Variants in CRYBA4 observed in about 807,000 individuals in gnomAD.
The protein encoded by CRYBA4 is crystallin beta A4.
In CRYBA4, 30 loss-of-function variants were observed where a neutral mutation model predicts 31.7. That is an observed-to-expected ratio of 0.95 (90% CI 0.71 to 1.28). The LOEUF (loss-of-function observed/expected upper bound fraction) is 1.28, where lower values mean the gene tolerates loss of function less well. CRYBA4 is among the 50% of genes most tolerant of loss of function. CRYBA4 has a pLI of 0.00. For synonymous variants in CRYBA4, 102 were observed against 102.3 expected (o/e 1.00, Z 0.02); for missense variants, 225 against 260.7 (o/e 0.86, Z 0.94).
chr22:26,592,166 T>C, the CRYBA4 span, among the ~76,000 whole-genome samples: 1 of 152,206 alleles, frequency 6.6e-6, no homozygotes, highest in Admixed American at 6.5e-5. Context: ...ACTGATTTGA[T>C]AGACACATAG....
the CRYBA4 span, among the ~76,000 whole-genome samples, chr22:26,593,066 C>T: frequency 6.6e-6 from 1 of 152,142 alleles, no homozygotes; most frequent in East Asian, 1.9e-4. Context: ...CCAGACTGTG[C>T]AGCCCAGGAA....
chr22:26,612,464 G>A, the CRYBA4 span, among the ~76,000 whole-genome samples: 1 of 152,172 alleles, frequency 6.6e-6, no homozygotes, highest in Non-Finnish European at 1.5e-5. Context: ...CCAGGCTCAA[G>A]CGATCCTCCC....
At chr22:26,619,137 G>A (rs1235281547), upstream of CRYBA4, among the ~76,000 whole-genome samples, 3 of 152,210 alleles carry the variant, frequency 2.0e-5, no homozygotes, top group Non-Finnish European at 4.4e-5. Context: ...GATCGGAACA[G>A]AAGGTAGGGT....
At chr22:26,623,072 T>C (rs1929583416) in intron 2 of CRYBA4, among the ~76,000 whole-genome samples, 162 bp from the exon 3 acceptor site, 2 of 152,272 alleles carry the variant, frequency 1.3e-5, no homozygotes, top group Non-Finnish European at 2.9e-5. Context: ...ACCTGTGCTG[T>C]CTAGTGTCTC....
In CRYBA4 at chr22:26,622,645, G is replaced by A. The variant is rs374758030; in HGVS notation, c.39+10G>A. 6.2e-7 allele frequency: 1 copy of A among 1,606,752 alleles called. No homozygotes were observed. Among genetic ancestry groups the A allele is most frequent in the Non-Finnish European group, 8.5e-7 (1 of 1,173,418 alleles). On this transcript the variant is annotated intron_variant, in intron 2 of 5. Coordinates refer to ENST00000354760, the MANE Select transcript of CRYBA4 (RefSeq NM_001886.3). ...AGCGGGACCCTGGAAGGTAGGAAGA[G>A]GCATGGGGAGGGGGTGTTCAGGGGG... is the stretch of plus-strand genomic sequence containing the variant.
chr22:26,615,942 A>C, the CRYBA4 span, among the ~76,000 whole-genome samples: 1 of 152,132 alleles, frequency 6.6e-6, no homozygotes, highest in East Asian at 1.9e-4. Context: ...ATAGGGACAG[A>C]GGATAAGAGT....
chr22:26,601,834 T>C, the CRYBA4 span: 1 of 1,610,838 alleles, frequency 6.2e-7, no homozygotes, highest in African/African-American at 1.3e-5. Flanking sequence ...TGATTCTGCC[T>C]GTGCTTGAAG....
chr22:26,619,838 G>A (rs1929475615), upstream of CRYBA4, among the ~76,000 whole-genome samples: 3 of 152,226 alleles, frequency 2.0e-5, no homozygotes, highest in Non-Finnish European at 4.4e-5. Flanking sequence ...TAAAGCCCCA[G>A]GAATGGGCTG....
At chr22:26,627,605 T>C (rs1487477070) in intron 4 of CRYBA4, among the ~76,000 whole-genome samples, 1 of 137,988 alleles carries the variant, frequency 7.2e-6, no homozygotes, top group Non-Finnish European at 1.6e-5. Context: ...TCTTTCTTTC[T>C]CTTTCTCTCT....
chr22:26,625,019 C>T (rs545958902), intron 3 of CRYBA4, among the ~76,000 whole-genome samples: 3 of 152,362 alleles, frequency 2.0e-5, no homozygotes, highest in Admixed American at 1.3e-4. Context: ...CCGTCTCCCA[C>T]ACCCTGGCAG....
upstream of CRYBA4, among the ~76,000 whole-genome samples, chr22:26,617,078 G>A (rs974300473): frequency 2.0e-5 from 3 of 152,218 alleles, no homozygotes; most frequent in Non-Finnish European, 4.4e-5. Context: ...AGGGGTTGGT[G>A]TATGGGTGCA....
chr22:26,615,020 T>A, the CRYBA4 span, among the ~76,000 whole-genome samples: 1 of 152,118 alleles, frequency 6.6e-6, no homozygotes, highest in South Asian at 2.1e-4. Flanking sequence ...GGTAGAAAGT[T>A]TTTAACCAAG....
the CRYBA4 span, among the ~76,000 whole-genome samples, chr22:26,594,891 A>T: frequency 1.6e-3 from 239 of 152,282 alleles, 2 homozygotes; most frequent in Non-Finnish European, 1.6e-3. Context: ...CACCTGATGA[A>T]ATGAAACCTT....
the CRYBA4 span, among the ~76,000 whole-genome samples, chr22:26,602,911 C>A: frequency 6.6e-6 from 1 of 151,046 alleles, no homozygotes; most frequent in Admixed American, 6.6e-5. Context: ...ATCATGTGGT[C>A]AGGAGATCAA....
In CRYBA4 at chr22:26,628,324, G is replaced by A; in HGVS notation, c.337G>A (p.Glu113Lys). Residue 113 changes from glutamate to lysine, a missense_variant, in exon 5 of 6, where the codon GAG becomes AAG. Transcript: ENST00000354760. ...CTCGAGGCTGACAATCTTCGAGCAA[G>A]AGAACTTCCTGGGCAAGAAAGGAGA... is the stretch of plus-strand genomic sequence containing the variant. ...RDSRLTIFEQ[E>K]NFLGKKGELS... 1 of 1,614,012 alleles carries A rather than the reference G, an allele frequency of 6.2e-7. No homozygotes were observed. Among genetic ancestry groups the A allele is most frequent in the Non-Finnish European group, 8.5e-7 (1 of 1,180,008 alleles).
chr22:26,599,124 T>G, the CRYBA4 span, among the ~76,000 whole-genome samples: 1 of 152,202 alleles, frequency 6.6e-6, no homozygotes, highest in Non-Finnish European at 1.5e-5. Context: ...ACGAATGCCC[T>G]GGCTGGACCA....
At chr22:26,595,892 C>G in the CRYBA4 span, among the ~76,000 whole-genome samples, 2 of 151,998 alleles carry the variant, frequency 1.3e-5, no homozygotes, top group South Asian at 4.1e-4. Flanking sequence ...CCTGCCTCAG[C>G]CTCCACAGTA....
chr22:26,593,266 A>T, the CRYBA4 span, among the ~76,000 whole-genome samples: 1 of 152,218 alleles, frequency 6.6e-6, no homozygotes, highest in African/African-American at 2.4e-5. Flanking sequence ...GGAAGAATAG[A>T]TGTAGCATAA....
the CRYBA4 span, among the ~76,000 whole-genome samples, chr22:26,612,401 C>T: frequency 6.6e-6 from 1 of 152,148 alleles, no homozygotes; most frequent in African/African-American, 2.4e-5. Context: ...CTCACTCTGT[C>T]GCCCCAGCTG....
Sources: allele counts gnomAD v4.1 joint callset (sites outside exome capture counted in the v4.1 genomes callset), GRCh38; gene constraint gnomAD v4.1.1; transcripts MANE v1.5; gene names NCBI Gene and HGNC (gene_info 2026-07-23, HGNC 2026-07-21).